Variants in PCDH11Y observed in about 807,000 individuals in gnomAD.
The protein encoded by PCDH11Y is protocadherin-11 Y-linked.
For missense variants in PCDH11Y, 12 were observed against 224.8 expected (o/e 0.05, Z 6.05); for synonymous variants, 9 against 83.6 (o/e 0.11, Z 4.87).
intron 2 of PCDH11Y, among the ~76,000 whole-genome samples, chrY:5,325,669 C>G (rs2053118741): frequency 9.0e-5 from 3 of 33,214 alleles, no homozygotes; most frequent in Admixed American, 2.8e-4. Flanking sequence ...GGGGATAGCA[C>G]GAGGAGATAT....
At chrY:5,338,225 C>T in intron 2 of PCDH11Y, 2 of 325,402 alleles carry the variant, frequency 6.1e-6, no homozygotes, top group Non-Finnish European at 9.2e-6. Flanking sequence ...GTAGAATTGG[C>T]GGATGCCCTC....
chrY:5,129,480 G>C (rs1602872803), intron 2 of PCDH11Y, among the ~76,000 whole-genome samples: 1 of 23,011 alleles, frequency 4.3e-5, no homozygotes, highest in Non-Finnish European at 9.9e-5. Flanking sequence ...CACACACACA[G>C]AGAGAGAGAG....
chrY:5,422,153 A>G, intron 2 of PCDH11Y, among the ~76,000 whole-genome samples: 1 of 31,037 alleles, frequency 3.2e-5, no homozygotes, highest in Non-Finnish European at 7.7e-5. Flanking sequence ...ATTTCTATAC[A>G]TTAAAAATGA....
At chrY:5,700,085 A>G in intron 4 of PCDH11Y, among the ~76,000 whole-genome samples, 1 of 31,201 alleles carries the variant, frequency 3.2e-5, no homozygotes, top group East Asian at 8.5e-4. Context: ...CACTGAGTTC[A>G]TTTTTCTTGG....
chrY:5,481,928 T>C, intron 2 of PCDH11Y, among the ~76,000 whole-genome samples: 1 of 31,316 alleles, frequency 3.2e-5, no homozygotes. Flanking sequence ...TCGCGTGATA[T>C]GTCATGTATA....
intron 4 of PCDH11Y, among the ~76,000 whole-genome samples, chrY:5,663,124 G>T (rs2053542303): frequency 5.3e-4 from 16 of 30,250 alleles, no homozygotes; most frequent in Non-Finnish European, 1.1e-3. Flanking sequence ...ATATAGACAC[G>T]CTAATATAAC....
intron 2 of PCDH11Y, among the ~76,000 whole-genome samples, chrY:5,350,844 C>T: frequency 3.0e-5 from 1 of 33,808 alleles, no homozygotes; most frequent in Non-Finnish European, 7.3e-5. Flanking sequence ...TGTTCTCCTA[C>T]TGTTTAATAC....
chrY:5,197,464 C>A, intron 2 of PCDH11Y, among the ~76,000 whole-genome samples: 5 of 31,481 alleles, frequency 1.6e-4, no homozygotes, highest in Non-Finnish European at 2.3e-4. Flanking sequence ...TTTGACCCAG[C>A]CATCCCATTA....
chrY:5,041,766 A>G (rs1453631654), intron 3 of PCDH11Y, among the ~76,000 whole-genome samples: 15 of 32,591 alleles, frequency 4.6e-4, no homozygotes, highest in Non-Finnish European at 9.1e-4. Flanking sequence ...CCTCTCCAGC[A>G]CCTGTTGTTT....
At chrY:5,071,857 C>T (rs2052700329) in intron 1 of PCDH11Y, among the ~76,000 whole-genome samples, 1 of 33,214 alleles carries the variant, frequency 3.0e-5, no homozygotes, top group South Asian at 6.7e-4. Context: ...ACAATTTTAA[C>T]TTCTGCTTTG....
At chrY:5,249,923 G>GA (rs2053002190) in intron 2 of PCDH11Y, among the ~76,000 whole-genome samples, 2 of 26,709 alleles carry the variant, frequency 7.5e-5, no homozygotes, top group Non-Finnish European at 1.8e-4. Context: ...ATATTTACAA[G>GA]AAAAAAAAAC....
chrY:5,373,739 T>TAC, intron 2 of PCDH11Y, among the ~76,000 whole-genome samples: 1 of 23,575 alleles, frequency 4.2e-5, no homozygotes, highest in South Asian at 9.0e-4. Flanking sequence ...TATATGTGTG[T>TAC]ATATATACAC....
chrY:5,268,882 A>G, intron 2 of PCDH11Y, among the ~76,000 whole-genome samples: 1 of 28,808 alleles, frequency 3.5e-5, no homozygotes, highest in African/African-American at 1.3e-4. Context: ...GTTTTACAGA[A>G]AGATATTCAG....
intron 3 of PCDH11Y, among the ~76,000 whole-genome samples, chrY:5,572,128 C>T (rs2053439964): frequency 5.2e-4 from 17 of 32,885 alleles, no homozygotes; most frequent in African/African-American, 6.0e-4. Context: ...CTGTGTCTGA[C>T]TTATTTCACT....
At chrY:5,208,504 A>C in intron 2 of PCDH11Y, among the ~76,000 whole-genome samples, 1 of 33,645 alleles carries the variant, frequency 3.0e-5, no homozygotes, top group South Asian at 6.5e-4. Flanking sequence ...ATTAATATCT[A>C]AAGTTACATT....
At chrY:5,108,678 C>T, downstream of PCDH11Y, among the ~76,000 whole-genome samples, 2 of 23,377 alleles carry the variant, frequency 8.6e-5, no homozygotes, top group African/African-American at 3.4e-4. Flanking sequence ...ACCCGGGAGG[C>T]GGAGCCTGCA....
chrY:5,123,538 A>G, intron 2 of PCDH11Y, among the ~76,000 whole-genome samples: 1 of 32,993 alleles, frequency 3.0e-5, no homozygotes, highest in Non-Finnish European at 7.4e-5. Context: ...CTCTGGAATA[A>G]GACCTCAAAT....
At chrY:5,652,206 A>T in intron 4 of PCDH11Y, among the ~76,000 whole-genome samples, 4 of 31,954 alleles carry the variant, frequency 1.3e-4, no homozygotes, top group African/African-American at 3.7e-4. Context: ...TAATTCAATC[A>T]TCTCCCACTG....
Position 5,298,570 on chromosome Y carries a change from T to G in PCDH11Y, c.3129+197863T>G, listed in dbSNP as rs199611929. ...TGCATGATAGAATACAATTTGATGC[T>G]CACCAAGTTCATTTATTTTCTTTTC... On this transcript the variant is annotated intron_variant, in intron 2 of 4. Transcript: ENST00000400457. 3.9e-4 allele frequency among the ~76,000 whole-genome samples: 13 copies of G among 33,548 alleles called. No homozygotes were observed. The East Asian group carries it at 0.01, about 27-fold the overall frequency. 90.0% of individuals were successfully genotyped at this position (33,548 alleles called of 37,273 possible). A position where few individuals can be genotyped will look rare whatever the true frequency, so the allele number is the denominator to read the frequency against.
Sources: allele counts gnomAD v4.1 joint callset (sites outside exome capture counted in the v4.1 genomes callset), GRCh38; gene constraint gnomAD v4.1.1; transcripts MANE v1.5; gene names NCBI Gene and HGNC (gene_info 2026-07-23, HGNC 2026-07-21).